The following EDEM1 variants were observed in gnomAD, a reference collection of about 807,000 sequenced individuals.
The protein encoded by EDEM1 is ER degradation enhancing alpha-mannosidase like protein 1.
Under a neutral mutation model 74.4 loss-of-function variants are expected in EDEM1, and 67 were observed. That is an observed-to-expected ratio of 0.90 (90% CI 0.74 to 1.10). The LOEUF (loss-of-function observed/expected upper bound fraction) is 1.10, where lower values mean the gene tolerates loss of function less well. EDEM1 is among the 50% of genes least tolerant of loss of function. The pLI is 0.00. For missense variants in EDEM1, 926 were observed against 851.6 expected (o/e 1.09, Z -1.09); for synonymous variants, 382 against 335.9 (o/e 1.14, Z -1.50).
At chr3:5,190,085 A>G (rs2054883454) in intron 1 of EDEM1, among the ~76,000 whole-genome samples, 1 of 133,238 alleles carries the variant, frequency 7.5e-6, no homozygotes. Flanking sequence ...TTTTTAAATC[A>G]ACATCATTAA....
At chr3:5,189,332 A>G (rs1049294527) in intron 1 of EDEM1, 6 of 152,168 alleles carry the variant, frequency 3.9e-5, no homozygotes, top group Admixed American at 2.0e-4. Context: ...TCTGATAAGG[A>G]AGCCTATAGA....
Position 5,201,820 on chromosome 3 carries a change from A to G in EDEM1, c.754A>G (p.Thr252Ala), listed in dbSNP as rs751336556. 6.2e-7 allele frequency: 1 copy of G among 1,614,206 alleles called. No individual in the cohort carries two copies. Among genetic ancestry groups the G allele is most frequent in the Non-Finnish European group, 8.5e-7 (1 of 1,180,024 alleles). Residue 252 changes from threonine to alanine, a missense_variant, in exon 4 of 12, where the codon ACA becomes GCA. Thr to Ala is a moderately conservative substitution (Grantham distance 58). Coordinates refer to ENST00000256497, the MANE Select transcript of EDEM1 (RefSeq NM_014674.3). ...TDSKQPFGDMTIKDYDNELLY... is the reference protein window; with the variant it reads ...TDSKQPFGDMAIKDYDNELLY... ...CTCCAAGCAGCCCTTTGGTGACATG[A>G]CAATTAAGGACTATGATAATGAGTT...
Position 5,187,844 on chromosome 3 carries a change from C to T in EDEM1, c.39C>T (p.Leu13=), listed in dbSNP as rs764785679. The T allele has an allele frequency of 6.3e-7, 1 of 1,591,402 alleles. No homozygotes were observed. Among genetic ancestry groups the T allele is most frequent in the Non-Finnish European group, 8.5e-7 (1 of 1,170,376 alleles). Residue 13 remains leucine, a synonymous_variant, in exon 1 of 12, where the codon CTC becomes CTT. Coordinates refer to ENST00000256497, the MANE Select transcript of EDEM1 (RefSeq NM_014674.3). Reference sequence around the variant, plus strand: ...CGCTCGTCCTGGGGCTGGTGCTCCTCCGGCTTGGCCTCCATGGAGTATTGT... The same window carrying T: ...CGCTCGTCCTGGGGCTGGTGCTCCTTCGGCTTGGCCTCCATGGAGTATTGT... The part of the protein sequence containing the change: ...WRALVLGLVL[L]RLGLHGVLWL...
chr3:5,207,211 T>C lies in EDEM1; in HGVS notation c.1276T>C (p.Phe426Leu). 3 of 1,614,198 alleles carry C rather than the reference T, an allele frequency of 1.9e-6. No individual in the cohort carries two copies. Among genetic ancestry groups the C allele is most frequent in the South Asian group, 2.2e-5 (2 of 91,080 alleles). Residue 426 changes from phenylalanine to leucine, a missense_variant, in exon 7 of 12, where the codon TTC (phenylalanine) becomes CTC (leucine). Physicochemically the swap from Phe to Leu is conservative, Grantham distance 22 (BLOSUM62 0). Coordinates refer to ENST00000256497, the MANE Select transcript of EDEM1 (RefSeq NM_014674.3). ...DPPLYVNVNM[F>L]SGQLMNTWID... The stretch of plus-strand genomic sequence containing the variant: ...TCCACTCTATGTCAACGTGAACATG[T>C]TCAGTGGGCAGCTGATGAACACCTG...
In EDEM1 at chr3:5,203,106, G is replaced by A. The variant is rs1410326404; in HGVS notation, c.999G>A (p.Val333=). Residue 333 remains valine (V), a synonymous_variant, in exon 5 of 12, where the codon GTG becomes GTA. Coordinates refer to ENST00000256497, the MANE Select transcript of EDEM1 (RefSeq NM_014674.3). ...TTGAGTGGGTGGCCAGACGAGCAGT[G>A]AAAGCCCTTTGGAACCTCCGGAGCA... ...STFEWVARRA[V]KALWNLRSND... 7.5e-6 allele frequency: 12 copies of A among 1,607,934 alleles called. No individual in the cohort carries two copies. The highest frequency in any genetic ancestry group is 8.5e-6 in the Non-Finnish European group (10 of 1,177,376).
At chr3:5,211,971 T>A (rs1046643853) in intron 10 of EDEM1, among the ~76,000 whole-genome samples, 1 of 152,236 alleles carries the variant, frequency 6.6e-6, no homozygotes, top group Non-Finnish European at 1.5e-5. Flanking sequence ...ATTTCCAGGT[T>A]AGAAGATAGC....
intron 11 of EDEM1, 111 bp from the exon 12 acceptor site, chr3:5,215,718 C>G: frequency 2.0e-6 from 2 of 1,007,536 alleles, no homozygotes; most frequent in Middle Eastern, 2.1e-4. Context: ...ACAGTTACTT[C>G]CAAACGTCAG....
rs1214453903 is a variant in EDEM1 at position 5,187,841 on chromosome 3, C to T, written c.36C>T (p.Leu12=). The T allele has an allele frequency of 3.1e-6, 5 of 1,591,540 alleles. No homozygotes were observed. In the South Asian group the frequency reaches 3.4e-5, roughly 11 times the overall value. ...GAGCGCTCGTCCTGGGGCTGGTGCT[C>T]CTCCGGCTTGGCCTCCATGGAGTAT... ...QWRALVLGLV[L]LRLGLHGVLW... Residue 12 remains leucine, a synonymous_variant, in exon 1 of 12, where the codon CTC becomes CTT. Coordinates refer to ENST00000256497, the MANE Select transcript of EDEM1 (RefSeq NM_014674.3).
At position 5,188,142 on chromosome 3, in the gene EDEM1, G is replaced by A; in HGVS notation, c.337G>A (p.Glu113Lys). 6.5e-7 allele frequency: 1 copy of A among 1,534,554 alleles called. No individual in the cohort carries two copies. The change falls in exon 1 of 12, where the codon GAG becomes AAG. Residue 113 changes from glutamate (E) to lysine (K), a missense_variant. Glu to Lys is a moderately conservative substitution (Grantham distance 56). Transcript: ENST00000256497. Reference protein sequence around the residue: ...VLGGRGRGPDEYEKRYSGAFP... With the variant: ...VLGGRGRGPDKYEKRYSGAFP... The stretch of plus-strand genomic sequence containing the variant: ...GGGCGGCCGGGGCCGCGGCCCGGAC[G>A]AGTACGAGAAGCGCTACAGCGGCGC...
intron 8 of EDEM1, among the ~76,000 whole-genome samples, chr3:5,208,549 A>C (rs535499539): frequency 6.6e-6 from 1 of 152,288 alleles, no homozygotes; most frequent in South Asian, 2.1e-4. Context: ...TTCATGAGGA[A>C]GATTTGGTAC....
chr3:5,216,045 C>G lies in EDEM1; in HGVS notation c.*127C>G. 1 of 699,730 alleles carries G rather than the reference C, an allele frequency of 1.4e-6. No homozygotes were observed. Among genetic ancestry groups the G allele is most frequent in the Non-Finnish European group, 2.4e-6 (1 of 412,756 alleles). The allele number at this position is 699,730 out of a possible 1,614,324, so 43.3% of individuals were successfully genotyped here. ...CCATGGTGGTGTAGGAATTTCTGTG[C>G]AACACCTCACCACGTCTGGTTAATC... On this transcript the variant is annotated 3_prime_UTR_variant, in exon 12 of 12. Coordinates refer to ENST00000256497, the MANE Select transcript of EDEM1 (RefSeq NM_014674.3).
intron 6 of EDEM1, among the ~76,000 whole-genome samples, chr3:5,205,823 T>A (rs1370150017): frequency 6.6e-6 from 1 of 151,844 alleles, no homozygotes; most frequent in Non-Finnish European, 1.5e-5. Context: ...TGCCAGACCA[T>A]TAGTCACCCA....
intron 11 of EDEM1, 43 bp downstream of exon 11, chr3:5,213,565 G>T: frequency 6.5e-7 from 1 of 1,540,386 alleles, no homozygotes; most frequent in South Asian, 1.3e-5. Flanking sequence ...TAGAGGAAGA[G>T]AAGATACTAT....
At chr3:5,194,923 C>CTGAA (rs1468515117) in intron 1 of EDEM1, among the ~76,000 whole-genome samples, 1 of 152,160 alleles carries the variant, frequency 6.6e-6, no homozygotes, top group Admixed American at 6.5e-5. Flanking sequence ...GGTGATAAAC[C>CTGAA]TGAATCTCAG....
At position 5,207,137 on chromosome 3, in the gene EDEM1, C is replaced by A. The variant is rs1169811581; in HGVS notation, c.1218-16C>A. On this transcript the variant is annotated splice_polypyrimidine_tract_variant and intron_variant, in intron 6 of 11. Coordinates refer to ENST00000256497, the MANE Select transcript of EDEM1 (RefSeq NM_014674.3). The stretch of plus-strand genomic sequence containing the variant: ...AGCTTTCTTTTCACCACTGAATGTG[C>A]TGCTTGGGTTTGCAGGCGGGAAGCC... 1.2e-6 allele frequency: 2 copies of A among 1,613,406 alleles called. No homozygotes were observed. The highest frequency in any genetic ancestry group is 1.7e-5 in the Admixed American group (1 of 59,938).
At chr3:5,196,968 C>T (rs1244233249) in intron 2 of EDEM1, among the ~76,000 whole-genome samples, 9 of 150,032 alleles carry the variant, frequency 6.0e-5, no homozygotes, top group Admixed American at 5.3e-4. Flanking sequence ...CTCGCTCTGC[C>T]GCCAGGCTGG....
At chr3:5,192,773 C>A (rs906648922) in intron 1 of EDEM1, among the ~76,000 whole-genome samples, 1 of 152,024 alleles carries the variant, frequency 6.6e-6, no homozygotes, top group African/African-American at 2.4e-5. Flanking sequence ...TCCCACTTCC[C>A]CCTTATTTTG....
intron 11 of EDEM1, 93 bp downstream of exon 11, chr3:5,213,615 T>C: frequency 8.0e-7 from 1 of 1,247,102 alleles, no homozygotes; most frequent in Non-Finnish European, 1.1e-6. Context: ...AGAAAATTGA[T>C]GGTGTATGCA....
intron 8 of EDEM1, among the ~76,000 whole-genome samples, chr3:5,209,454 G>A (rs1332520029): frequency 2.0e-5 from 3 of 152,158 alleles, no homozygotes; most frequent in African/African-American, 7.2e-5. Flanking sequence ...TGACAGAGAT[G>A]TCTTGCACTC....
Sources: gnomAD v4.1 joint callset for allele counts (sites outside exome capture counted in the v4.1 genomes callset) on GRCh38, gnomAD v4.1.1 for gene constraint, MANE v1.5 for transcripts, NCBI Gene and HGNC (gene_info 2026-07-23, HGNC 2026-07-21) for gene names.